The following ERN2 variants were observed in gnomAD, a reference collection of about 807,000 sequenced individuals.
The protein encoded by ERN2 is serine/threonine-protein kinase/endoribonuclease IRE2.
In ERN2, 111 loss-of-function variants were observed where a neutral mutation model predicts 107.9. The observed-to-expected ratio is 1.03, with a 90% CI of 0.88 to 1.20. The LOEUF (loss-of-function observed/expected upper bound fraction) is 1.20. Ranked by LOEUF, ERN2 falls within the 50% of genes most tolerant of loss-of-function variation. The pLI is 0.00. For synonymous variants in ERN2, 524 were observed against 501.7 expected (o/e 1.04, Z -0.59); for missense variants, 1,225 against 1,197.9 (o/e 1.02, Z -0.33).
Position 23,695,032 on chromosome 16 carries a change from G to T in ERN2, c.1887C>A (p.His629Gln), listed in dbSNP as rs774940109. The T allele has an allele frequency of 2.0e-5, 33 of 1,613,474 alleles. No individual in the cohort carries two copies. Among genetic ancestry groups the T allele is most frequent in the Non-Finnish European group, 2.7e-5 (32 of 1,179,774 alleles). The change falls in exon 16 of 22, where the codon CAC (histidine) becomes CAA (glutamine). Residue 629 changes from histidine (H) to glutamine (Q), a missense_variant. Physicochemically the swap from His to Gln is conservative, Grantham distance 24 (BLOSUM62 0). Coordinates refer to ENST00000256797, the MANE Select transcript of ERN2 (RefSeq NM_033266.4). ...AAGTGCGGGTACCTATGTGTAAAGA[G>T]TGCAGGTGGGCCAGGCCAGACATCA... is the stretch of plus-strand genomic sequence containing the variant. ...QQLMSGLAHL[H>Q]SLHIVHRDLK...
intron 17 of ERN2, among the ~76,000 whole-genome samples, chr16:23,693,587 C>A (rs1475169002): frequency 6.0e-5 from 8 of 132,776 alleles, no homozygotes; most frequent in Non-Finnish European, 9.7e-5. Flanking sequence ...GAAACTCCAT[C>A]TCAAAAAAAA....
rs746637891 is a variant in ERN2, at chr16:23,694,840, A to T, written c.1988T>A (p.Leu663His). The change falls in exon 17 of 22, where the codon CTC (leucine) becomes CAC (histidine). Residue 663 changes from leucine (L) to histidine (H), a missense_variant. Leu to His is a moderately conservative substitution (Grantham distance 99). Coordinates refer to ENST00000256797, the MANE Select transcript of ERN2 (RefSeq NM_033266.4). ...LGRVVLSDFG[L>H]CKKLPAGRCS... ...GCGGCCAGCAGGCAGCTTCTTGCAG[A>T]GGCCGAAGTCTGAGAGCACCACTCT... 3.0e-5 allele frequency: 48 copies of T among 1,614,072 alleles called. No individual in the cohort carries two copies. In the South Asian group the frequency reaches 4.5e-4, roughly 15 times the overall value.
chr16:23,710,225 G>A lies in ERN2; in HGVS notation c.253C>T (p.Pro85Ser), dbSNP rs1189613175. 1 of 1,613,792 alleles carries A rather than the reference G, an allele frequency of 6.2e-7. No homozygotes were observed. Among genetic ancestry groups the A allele is most frequent in the South Asian group, 1.1e-5 (1 of 91,080 alleles). Residue 85 changes from proline (P) to serine (S), a missense_variant, in exon 4 of 22, where the codon CCA becomes TCA. Coordinates refer to ENST00000256797, the MANE Select transcript of ERN2 (RefSeq NM_033266.4). ...YVTEMAFLSD[P>S]ADGSLYILGT... is the part of the protein sequence containing the mutation. ...AAGATGTACAGGCTGCCATCTGCTG[G>A]GTCAGAGAGAAAGGCCATTCTGTGG...
At chr16:23,704,741 G>A (rs1960225889) in intron 8 of ERN2, 142 bp downstream of exon 8, 1 of 971,098 alleles carries the variant, frequency 1.0e-6, no homozygotes, top group African/African-American at 1.6e-5. Flanking sequence ...CAACCAGTTG[G>A]GTAAGTAACC....
At chr16:23,706,273 G>T in intron 7 of ERN2, 57 bp downstream of exon 7, 1 of 1,231,746 alleles carries the variant, frequency 8.1e-7, no homozygotes, top group South Asian at 1.5e-5. Flanking sequence ...TGCTGTTCAG[G>T]GTTCCCTGGG....
chr16:23,712,290 A>C (rs77276497), intron 1 of ERN2: 2,639 of 156,824 alleles, frequency 0.017, 41 homozygotes, highest in Middle Eastern at 0.058. Context: ...AGTGCTTAAA[A>C]ATTTTTCAAT....
At chr16:23,706,120 T>G in intron 7 of ERN2, 1 of 499,292 alleles carries the variant, frequency 2.0e-6, no homozygotes, top group Non-Finnish European at 3.5e-6. Flanking sequence ...GTTAGGAGGT[T>G]GAGGGATTGG....
chr16:23,698,124 G>A (rs962480181), intron 13 of ERN2, among the ~76,000 whole-genome samples: 2 of 152,162 alleles, frequency 1.3e-5, no homozygotes, highest in African/African-American at 2.4e-5. Flanking sequence ...CTTCTACACA[G>A]GTTGGGGAAC....
At chr16:23,695,869 A>G in intron 14 of ERN2, 25 bp downstream of exon 14, 1 of 1,598,336 alleles carries the variant, frequency 6.3e-7, no homozygotes, top group Non-Finnish European at 8.6e-7. Flanking sequence ...CCATGTCCCC[A>G]GCTTGGCTCC....
chr16:23,707,302 G>A (rs73550211), intron 4 of ERN2: 53,238 of 556,030 alleles, frequency 0.096, 3,198 homozygotes, highest in African/African-American at 0.22. Flanking sequence ...AGGCTCCAGA[G>A]CCAGCACACT....
intron 4 of ERN2, among the ~76,000 whole-genome samples, chr16:23,708,970 C>T (rs372757206): frequency 1.3e-5 from 2 of 152,340 alleles, no homozygotes; most frequent in African/African-American, 4.8e-5. Flanking sequence ...GTTTCCTATA[C>T]TCTGCTCACA....
chr16:23,694,148 C>A (rs1453520275), intron 17 of ERN2, among the ~76,000 whole-genome samples: 1 of 152,098 alleles, frequency 6.6e-6, no homozygotes, highest in African/African-American at 2.4e-5. Context: ...GATGCACACA[C>A]CCACACCGGC....
rs144686844 is a variant in ERN2 at position 23,705,043 on chromosome 16, C to A, written c.694G>T (p.Val232Phe). ...AGGCCGTCCTGGTGCCAGGTGTAGA[C>A]GCCCATCACAGGCACGCCCAGGTCC... ...TQDLGVPVMG[V>F]YTWHQDGLRQ... The change falls in exon 8 of 22, where the codon GTC becomes TTC. Residue 232 changes from valine to phenylalanine, a missense_variant. By Grantham distance (50) the Val-to-Phe change is conservative (BLOSUM62 -1). Coordinates refer to ENST00000256797, the MANE Select transcript of ERN2 (RefSeq NM_033266.4). 6.2e-7 allele frequency: 1 copy of A among 1,613,834 alleles called. No homozygotes were observed. The highest frequency in any genetic ancestry group is 1.7e-5 in the Admixed American group (1 of 60,006).
intron 1 of ERN2, chr16:23,712,855 C>T (rs1459336273): frequency 2.0e-6 from 1 of 500,670 alleles, no homozygotes; most frequent in Non-Finnish European, 3.5e-6. Context: ...GCGGGGTGCT[C>T]TGTCTACTCT....
chr16:23,702,449 C>G lies in ERN2; in HGVS notation c.1022G>C (p.Ser341Thr). Residue 341 changes from serine (S) to threonine (T), a missense_variant, in exon 10 of 22, where the codon AGC becomes ACC. By Grantham distance (58) the Ser-to-Thr change is moderately conservative (BLOSUM62 1). Transcript: ENST00000256797. The stretch of plus-strand genomic sequence containing the variant: ...GCCTGAGGGGTATCTAACAGCAGTG[C>G]TGGGTGAGCCCTCTCGCTCTCCTGA... ...QVSGEREGSP[S>T]TAVRYPSGSV... 1 of 1,613,520 alleles carries G rather than the reference C, an allele frequency of 6.2e-7. No individual in the cohort carries two copies. Among genetic ancestry groups the G allele is most frequent in the Non-Finnish European group, 8.5e-7 (1 of 1,180,032 alleles).
Position 23,710,038 on chromosome 16 carries a change from C to T in ERN2, c.306+134G>A, listed in dbSNP as rs1337541384. 2.6e-5 allele frequency: 17 copies of T among 654,026 alleles called. No individual in the cohort carries two copies. In the Admixed American group the frequency reaches 4.4e-4, roughly 17 times the overall value. 40.5% of individuals were successfully genotyped at this position (654,026 alleles called of 1,614,324 possible). A position where few individuals can be genotyped will look rare whatever the true frequency, so the allele number is the denominator to read the frequency against. On this transcript the variant is annotated intron_variant, in intron 4 of 21. Transcript: ENST00000256797. ...CAACAGGTCCCTCAGACAGCCTTCTCACAATGTGCTGAGTCCTGACTTATA... is the reference window on the plus strand; with the variant it reads ...CAACAGGTCCCTCAGACAGCCTTCTTACAATGTGCTGAGTCCTGACTTATA...
At position 23,704,893 on chromosome 16, in the gene ERN2, T is replaced by C. The variant is rs766997825; in HGVS notation, c.844A>G (p.Thr282Ala). ...GGCACGAACACCTACAGCAGCTGGG[T>C]GTCCAAGGTAGAGAAGAGGGTGGCT... ...DTATLFSTLD[T>A]QLLMTLYVGK... The change falls in exon 8 of 22, where the codon ACC (threonine) becomes GCC (alanine). Residue 282 changes from threonine (T) to alanine (A), a missense_variant. Thr to Ala is a moderately conservative substitution (Grantham distance 58). Coordinates refer to ENST00000256797, the MANE Select transcript of ERN2 (RefSeq NM_033266.4). 5.6e-6 allele frequency: 9 copies of C among 1,609,264 alleles called. No individual in the cohort carries two copies. Among genetic ancestry groups the C allele is most frequent in the African/African-American group, 1.3e-5 (1 of 74,828 alleles).
In ERN2 at chr16:23,700,640, A is replaced by G. The variant is rs772124124; in HGVS notation, c.1424T>C (p.Ile475Thr). ...TPLAPADFAHISQDAQSLHSG... is the reference protein window; with the variant it reads ...TPLAPADFAHTSQDAQSLHSG... ...GTGCAGGGACTGGGCATCCTGGGAG[A>G]TGTGAGCAAAGTCTGCAGGTGCCAG... The change falls in exon 13 of 22, where the codon ATC becomes ACC. Residue 475 changes from isoleucine (I) to threonine (T), a missense_variant. Coordinates refer to ENST00000256797, the MANE Select transcript of ERN2 (RefSeq NM_033266.4). The G allele has an allele frequency of 1.3e-5, 21 of 1,613,868 alleles. No individual in the cohort carries two copies. In the South Asian group the frequency reaches 2.3e-4, roughly 18 times the overall value.
chr16:23,691,956 T>A lies in ERN2; in HGVS notation c.2376+7A>T. 6.2e-7 allele frequency: 1 copy of A among 1,611,500 alleles called. No individual in the cohort carries two copies. The highest frequency in any genetic ancestry group is 8.5e-7 in the Non-Finnish European group (1 of 1,179,062). ...TTTGGGGGCCATTCCCAAGCTTTCCTTCTGACCTGGAAGAACTGGAGTTGC... is the reference window on the plus strand; with the variant it reads ...TTTGGGGGCCATTCCCAAGCTTTCCATCTGACCTGGAAGAACTGGAGTTGC... On this transcript the variant is annotated splice_region_variant and intron_variant, in intron 19 of 21. Transcript: ENST00000256797.
Sources: gnomAD v4.1 joint callset for allele counts (sites outside exome capture counted in the v4.1 genomes callset) on GRCh38, gnomAD v4.1.1 for gene constraint, MANE v1.5 for transcripts, NCBI Gene and HGNC (gene_info 2026-07-23, HGNC 2026-07-21) for gene names.